The following SUDS3 variants were observed in gnomAD, a reference collection of about 807,000 sequenced individuals.
SUDS3 encodes SIN3A corepressor complex component SDS3.
SUDS3 carries 23 observed loss-of-function variants against 53.5 expected under a neutral mutation model. That is an observed-to-expected ratio of 0.43 (90% CI 0.31 to 0.61). The LOEUF is 0.61. Ranked by LOEUF, SUDS3 falls within the 20% of genes least tolerant of loss-of-function variation. The probability of loss-of-function intolerance (pLI) is 0.10; values close to 1 mark genes in which losing one functional copy is unlikely to be tolerated. For synonymous variants in SUDS3, 150 were observed against 148.5 expected (o/e 1.01, Z -0.08); for missense variants, 291 against 405.9 (o/e 0.72, Z 2.43).
chr12:118,391,550 C>T (rs1347431717), intron 6 of SUDS3, among the ~76,000 whole-genome samples: 1 of 152,192 alleles, frequency 6.6e-6, no homozygotes, highest in African/African-American at 2.4e-5. Context: ...GTACAGTGTC[C>T]TGTGCATAAC....
chr12:118,408,505 G>T (rs1337934804), intron 10 of SUDS3, among the ~76,000 whole-genome samples: 1 of 150,968 alleles, frequency 6.6e-6, no homozygotes, highest in Non-Finnish European at 1.5e-5. Context: ...GCTAATTTTT[G>T]TAATTTTAGT....
chr12:118,394,489 ACT>A (rs1482927997), intron 6 of SUDS3, among the ~76,000 whole-genome samples: 5 of 152,012 alleles, frequency 3.3e-5, no homozygotes, highest in Non-Finnish European at 5.9e-5. Flanking sequence ...ACTACTACTG[ACT>A]CTCTGCAGAT....
intron 2 of SUDS3, among the ~76,000 whole-genome samples, chr12:118,380,617 CTT>C (rs982122670): frequency 6.6e-6 from 1 of 152,164 alleles, no homozygotes; most frequent in African/African-American, 2.4e-5. Context: ...CGTTATAAGA[CTT>C]TGTTGAGTAC....
intron 2 of SUDS3, among the ~76,000 whole-genome samples, chr12:118,381,646 C>G (rs1418670322): frequency 1.3e-5 from 2 of 152,144 alleles, no homozygotes; most frequent in Non-Finnish European, 2.9e-5. Context: ...TTTGGTCTCC[C>G]AAAGTGCTGG....
Position 118,417,403 on chromosome 12 carries a change from C to T in SUDS3, c.*2970C>T, listed in dbSNP as rs920688998. 2.0e-5 allele frequency: 3 copies of T among 151,948 alleles called. No individual in the cohort carries two copies. The highest frequency in any genetic ancestry group is 7.3e-5 in the African/African-American group (3 of 41,344). 9.4% of individuals were successfully genotyped at this position (151,948 alleles called of 1,614,324 possible). On this transcript the variant is annotated 3_prime_UTR_variant, in exon 12 of 12. Transcript: ENST00000543473. Reference sequence around the variant, plus strand: ...TCTGGAGAGAAGATTGTATTTTTTACAGTTTTTTGGGTTTGGCTTCCTTCT... The same window carrying T: ...TCTGGAGAGAAGATTGTATTTTTTATAGTTTTTTGGGTTTGGCTTCCTTCT...
At chr12:118,391,056 G>A (rs1359423086) in intron 5 of SUDS3, 70 bp from the exon 6 acceptor site, 2 of 1,580,218 alleles carry the variant, frequency 1.3e-6, no homozygotes, top group Non-Finnish European at 1.7e-6. Flanking sequence ...TGAGGACAGG[G>A]CTAGACTTTG....
At chr12:118,400,574 G>T in intron 6 of SUDS3, 85 bp from the exon 7 acceptor site, 2 of 1,270,860 alleles carry the variant, frequency 1.6e-6, no homozygotes, top group Middle Eastern at 2.5e-4. Context: ...TGGGTGGCTG[G>T]GGGGCAGATA....
rs566974184 is a variant in SUDS3, at chr12:118,414,804, G to A, written c.*371G>A. ...ATTATCTTTAAGTCTCTCTACCATG[G>A]AGAAGAGCAGGAAGGGATACACTCT... On this transcript the variant is annotated 3_prime_UTR_variant, in exon 12 of 12. Transcript: ENST00000543473. 6.1e-6 allele frequency: 1 copy of A among 164,696 alleles called. No homozygotes were observed. Among genetic ancestry groups the A allele is most frequent in the East Asian group, 1.8e-4 (1 of 5,676 alleles). The allele number at this position is 164,696 out of a possible 1,614,324, so 10.2% of individuals were successfully genotyped here. A position where few individuals can be genotyped will look rare whatever the true frequency, so the allele number is the denominator to read the frequency against.
At position 118,379,634 on chromosome 12, in the gene SUDS3, A is replaced by G. The variant is rs1321279294; in HGVS notation, c.143-528A>G. ...TCCAACTGGGTATGTATCAGAAGAG[A>G]ATGTACATACTAGTTTTTTTCTGGA... On this transcript the variant is annotated intron_variant, in intron 1 of 11. Coordinates refer to ENST00000543473, the MANE Select transcript of SUDS3 (RefSeq NM_022491.3). Among the ~76,000 whole-genome samples, 3 of 152,244 alleles carry G rather than the reference A, an allele frequency of 2.0e-5. No individual in the cohort carries two copies. The East Asian group carries it at 5.8e-4, about 29-fold the overall frequency.
At position 118,415,497 on chromosome 12, in the gene SUDS3, A is replaced by G. The variant is rs1593790802; in HGVS notation, c.*1064A>G. 1 of 152,118 alleles carries G rather than the reference A, an allele frequency of 6.6e-6. No individual in the cohort carries two copies. The highest frequency in any genetic ancestry group is 1.5e-5 in the Non-Finnish European group (1 of 68,032). 9.4% of individuals were successfully genotyped at this position (152,118 alleles called of 1,614,324 possible). A position where few individuals can be genotyped will look rare whatever the true frequency, so the allele number is the denominator to read the frequency against. On this transcript the variant is annotated 3_prime_UTR_variant, in exon 12 of 12. Coordinates refer to ENST00000543473, the MANE Select transcript of SUDS3 (RefSeq NM_022491.3). ...AAAGCTCTGCTGTGGCTGCCTCTGGACTGACACCCTCCCTAATGAGTCCTG... is the reference window on the plus strand; with the variant it reads ...AAAGCTCTGCTGTGGCTGCCTCTGGGCTGACACCCTCCCTAATGAGTCCTG...
chr12:118,408,191 G>A (rs547219048), intron 10 of SUDS3, among the ~76,000 whole-genome samples: 14 of 149,390 alleles, frequency 9.4e-5, no homozygotes, highest in African/African-American at 3.0e-4. Context: ...AAGCCACTAC[G>A]CCTGGCCAAT....
chr12:118,394,707 A>G (rs1219449655), intron 6 of SUDS3, among the ~76,000 whole-genome samples: 1 of 152,174 alleles, frequency 6.6e-6, no homozygotes, highest in East Asian at 1.9e-4. Context: ...TTATTTAAAG[A>G]CAGGGTCTCA....
At chr12:118,396,944 C>A (rs536143108) in intron 6 of SUDS3, among the ~76,000 whole-genome samples, 1 of 152,094 alleles carries the variant, frequency 6.6e-6, no homozygotes, top group African/African-American at 2.4e-5. Flanking sequence ...GTGAGTAGAA[C>A]AGGAGGATTT....
At chr12:118,378,356 A>G (rs574369028) in intron 1 of SUDS3, among the ~76,000 whole-genome samples, 8 of 152,314 alleles carry the variant, frequency 5.3e-5, no homozygotes, top group African/African-American at 1.2e-4. Context: ...GCGCAGCTCA[A>G]AAATATTCAG....
chr12:118,395,598 C>A (rs1464962157), intron 6 of SUDS3, among the ~76,000 whole-genome samples: 8 of 152,102 alleles, frequency 5.3e-5, no homozygotes, highest in African/African-American at 1.9e-4. Flanking sequence ...ATTGCTCTCC[C>A]TTCATAATGG....
rs2046210856 is a variant in SUDS3 at position 118,395,913 on chromosome 12, G to A, written c.517+4631G>A. ...TCACCTTGTTGGCCAGGCTGGTCTC[G>A]AACTCCTGACCTCAGGTGATCTGCC... On this transcript the variant is annotated intron_variant, in intron 6 of 11. Transcript: ENST00000543473. Among the ~76,000 whole-genome samples, 4 of 151,926 alleles carry A rather than the reference G, an allele frequency of 2.6e-5. No homozygotes were observed. The Middle Eastern group carries it at 0.01, about 388-fold the overall frequency.
intron 2 of SUDS3, among the ~76,000 whole-genome samples, chr12:118,380,818 C>T (rs2046051394): frequency 6.6e-6 from 1 of 152,168 alleles, no homozygotes; most frequent in Admixed American, 6.5e-5. Context: ...GATTCTCCTG[C>T]CTCAGCCTCC....
At chr12:118,391,492 G>A (rs1198231035) in intron 6 of SUDS3, among the ~76,000 whole-genome samples, 1 of 152,172 alleles carries the variant, frequency 6.6e-6, no homozygotes, top group Non-Finnish European at 1.5e-5. Flanking sequence ...ATGAAATGGG[G>A]CTGATCATAC....
chr12:118,389,974 C>T, intron 5 of SUDS3, 28 bp downstream of exon 5: 1 of 1,613,858 alleles, frequency 6.2e-7, no homozygotes, highest in Non-Finnish European at 8.5e-7. Context: ...TCTGGGTTTG[C>T]AGGCCCTGTC....
Sources: allele counts gnomAD v4.1 joint callset (sites outside exome capture counted in the v4.1 genomes callset), GRCh38; gene constraint gnomAD v4.1.1; transcripts MANE v1.5; gene names NCBI Gene and HGNC (gene_info 2026-07-23, HGNC 2026-07-21).